VAV1: variants seen among roughly 807,000 people sequenced by gnomAD.
VAV1 encodes proto-oncogene vav.
Under a neutral mutation model 128.1 loss-of-function variants are expected in VAV1, and 33 were observed. That is an observed-to-expected ratio of 0.26 (90% CI 0.20 to 0.34). The LOEUF (loss-of-function observed/expected upper bound fraction) is 0.34, where lower values mean the gene tolerates loss of function less well. Ranked by LOEUF, VAV1 falls within the 10% of genes least tolerant of loss-of-function variation. The pLI, the probability that VAV1 is intolerant of heterozygous loss-of-function variation, is 1.00. For synonymous variants in VAV1, 394 were observed against 409.8 expected, an observed-to-expected ratio of 0.96 and a Z score of 0.47; for missense variants, 715 against 1,093.7, an observed-to-expected ratio of 0.65 and a Z score of 4.88.
intron 1 of VAV1, among the ~76,000 whole-genome samples, chr19:6,799,864 AAAG>A (rs1971225857): frequency 6.6e-6 from 1 of 151,168 alleles, no homozygotes; most frequent in African/African-American, 2.4e-5. Context: ...AAAAAAAAAA[AAAG>A]GAAAGAAAAG....
At chr19:6,809,556 A>G (rs1460431195) in intron 1 of VAV1, among the ~76,000 whole-genome samples, 6 of 152,166 alleles carry the variant, frequency 3.9e-5, no homozygotes, top group African/African-American at 1.4e-4. Context: ...TAAGTGAGAA[A>G]AAAAAGAGTA....
chr19:6,857,046 G>A lies in VAV1; in HGVS notation c.2485-8G>A, dbSNP rs781520756. 3.7e-6 allele frequency: 6 copies of A among 1,614,074 alleles called. No individual in the cohort carries two copies. Among genetic ancestry groups the A allele is most frequent in the Non-Finnish European group, 5.1e-6 (6 of 1,179,950 alleles). ...GGTTGCACTGATGAACTCCTCGTCTGTTTCCAGGTTGGCTGGTTCCCTGCC... is the reference window on the plus strand; with the variant it reads ...GGTTGCACTGATGAACTCCTCGTCTATTTCCAGGTTGGCTGGTTCCCTGCC... On this transcript the variant is annotated splice_region_variant and splice_polypyrimidine_tract_variant and intron_variant, in intron 26 of 26. Coordinates refer to ENST00000602142, the MANE Select transcript of VAV1 (RefSeq NM_005428.4).
chr19:6,805,051 A>G (rs1432986996), intron 1 of VAV1, among the ~76,000 whole-genome samples: 2 of 151,798 alleles, frequency 1.3e-5, no homozygotes, highest in Admixed American at 6.6e-5. Context: ...TTTTAATTAC[A>G]TGTAGAGTAA....
At chr19:6,836,691 G>T (rs573095405) in intron 20 of VAV1, 123 bp downstream of exon 20, 1 of 1,445,258 alleles carries the variant, frequency 6.9e-7, no homozygotes, top group Admixed American at 2.4e-5. Flanking sequence ...GGGGAGTGGG[G>T]TAGGTAGACT....
intron 21 of VAV1, among the ~76,000 whole-genome samples, chr19:6,839,268 G>C (rs1282651277): frequency 6.8e-6 from 1 of 147,800 alleles, no homozygotes; most frequent in Non-Finnish European, 1.5e-5. Context: ...TGTCCAGGCT[G>C]GTCTTGAACT....
At chr19:6,812,135 A>AT (rs1971526633) in intron 1 of VAV1, among the ~76,000 whole-genome samples, 2 of 152,310 alleles carry the variant, frequency 1.3e-5, no homozygotes, top group Admixed American at 6.5e-5. Context: ...CTGGGCAGCC[A>AT]TTTTCCAGCA....
Position 6,772,721 on chromosome 19 carries a change from G to C in VAV1, c.-87G>C. On this transcript the variant is annotated 5_prime_UTR_variant, in exon 1 of 27. Coordinates refer to ENST00000602142, the MANE Select transcript of VAV1 (RefSeq NM_005428.4). This position sits in a 1 kb window ranked among gnomAD's most constrained non-coding sequence, Gnocchi z 4.8. ...AGAGGAAGTGGTAGCACTAGCTGTC[G>C]CTCCACAGGCGAGCAGGGCAGGCGT... The C allele has an allele frequency of 7.1e-7, 1 of 1,417,528 alleles. No individual in the cohort carries two copies. Among genetic ancestry groups the C allele is most frequent in the Non-Finnish European group, 9.6e-7 (1 of 1,044,370 alleles). The allele number at this position is 1,417,528 out of a possible 1,614,324, so 87.8% of individuals were successfully genotyped here. A position where few individuals can be genotyped will look rare whatever the true frequency, so the allele number is the denominator to read the frequency against.
At chr19:6,814,683 T>C (rs181332257) in intron 1 of VAV1, among the ~76,000 whole-genome samples, 4,600 of 94,886 alleles carry the variant, frequency 0.048, 106 homozygotes, top group African/African-American at 0.15. Flanking sequence ...TTTCTTTCTT[T>C]CTTTCTTTCT....
rs1446395508 is a variant in VAV1 at position 6,820,871 on chromosome 19, C to T, written c.321+53C>T. 7.1e-6 allele frequency: 11 copies of T among 1,542,732 alleles called. No individual in the cohort carries two copies. The highest frequency in any genetic ancestry group is 4.5e-5 in the East Asian group (2 of 44,460). On this transcript the variant is annotated intron_variant, in intron 2 of 26. Coordinates refer to ENST00000602142, the MANE Select transcript of VAV1 (RefSeq NM_005428.4). This position sits in a 1 kb window ranked among gnomAD's most constrained non-coding sequence, Gnocchi z 4.4. ...CTGAGTTTCAGTTAATTTCTATTGA[C>T]GTCTACACTGGGCAAGCTAAGGACT...
intron 1 of VAV1, among the ~76,000 whole-genome samples, chr19:6,804,868 C>T (rs146884598): frequency 2.2e-4 from 33 of 151,904 alleles, no homozygotes; most frequent in African/African-American, 7.0e-4. Flanking sequence ...GGACTACAGG[C>T]GCCCGCCACC....
chr19:6,825,938 C>T (rs568236313), intron 8 of VAV1, among the ~76,000 whole-genome samples: 1 of 152,146 alleles, frequency 6.6e-6, no homozygotes, highest in Admixed American at 6.6e-5. Flanking sequence ...CACCTGTAAT[C>T]CCAGTTACTC....
Position 6,826,694 on chromosome 19 carries a change from G to C in VAV1, c.910G>C (p.Val304Leu). 1 of 1,553,978 alleles carries C rather than the reference G, an allele frequency of 6.4e-7. No homozygotes were observed. The highest frequency in any genetic ancestry group is 8.7e-7 in the Non-Finnish European group (1 of 1,152,376). Residue 304 changes from valine to leucine, a missense_variant, in exon 9 of 27, where the codon GTG (valine) becomes CTG (leucine). Val to Leu is a conservative substitution (Grantham distance 32). Transcript: ENST00000602142. The surrounding 1 kb of genome is among the most constrained non-coding windows in gnomAD (Gnocchi z 4.1). The stretch of plus-strand genomic sequence containing the variant: ...CCGTGTGGCCGCAGCCCGGGAGGAC[G>C]TGCAGATGAAGCTGGAGGTGGGCGC... ...LDRVAAARED[V>L]QMKLEECSQR...
intron 1 of VAV1, among the ~76,000 whole-genome samples, chr19:6,785,949 C>A (rs568484706): frequency 1.3e-5 from 2 of 151,986 alleles, no homozygotes; most frequent in African/African-American, 4.8e-5. Context: ...AATGAGCCAC[C>A]GCGCCCAGCC....
chr19:6,844,079 T>C (rs1398807444), intron 22 of VAV1, among the ~76,000 whole-genome samples: 144 of 105,574 alleles, frequency 1.4e-3, no homozygotes, highest in Middle Eastern at 4.0e-3. Context: ...TTTTTTTTTT[T>C]TTTTTTTTTT....
intron 23 of VAV1, 36 bp downstream of exon 23, chr19:6,848,150 G>A (rs368424950): frequency 3.2e-5 from 48 of 1,513,138 alleles, no homozygotes; most frequent in Non-Finnish European, 3.7e-5. Context: ...CCCTTTTGGG[G>A]CCTGGGCCCT....
chr19:6,849,613 A>G (rs1972616838), intron 23 of VAV1, among the ~76,000 whole-genome samples: 1 of 151,900 alleles, frequency 6.6e-6, no homozygotes, highest in Non-Finnish European at 1.5e-5. Flanking sequence ...GTGCCTGGCC[A>G]ATATTATTCC....
In VAV1 at chr19:6,825,362, T is replaced by A. The variant is rs541818210; in HGVS notation, c.783T>A (p.Pro261=). ...AGATGAAGGAAGCCCTGGGCACCCC[T>A]GGCGCAGCCAATCTCTACCAGGTCT... ...LKEMKEALGT[P]GAANLYQVFI... Residue 261 remains proline, a synonymous_variant, in exon 8 of 27, where the codon CCT becomes CCA. Transcript: ENST00000602142. 2.5e-6 allele frequency: 4 copies of A among 1,613,764 alleles called. No homozygotes were observed. The highest frequency in any genetic ancestry group is 3.4e-6 in the Non-Finnish European group (4 of 1,179,914).
chr19:6,843,799 A>C (rs921092411), intron 22 of VAV1, among the ~76,000 whole-genome samples: 1 of 151,858 alleles, frequency 6.6e-6, no homozygotes, highest in East Asian at 1.9e-4. Context: ...CTGTTCTAAG[A>C]TGCATGGTTG....
chr19:6,843,138 C>A lies in VAV1; in HGVS notation c.1984C>A (p.Pro662Thr), dbSNP rs1177495695. 3.1e-6 allele frequency: 5 copies of A among 1,613,968 alleles called. No homozygotes were observed. Among genetic ancestry groups the A allele is most frequent in the Non-Finnish European group, 4.2e-6 (5 of 1,180,008 alleles). Reference protein sequence around the residue: ...CNRVKPYVHGPPQDLSVHLWY... With the variant: ...CNRVKPYVHGTPQDLSVHLWY... Reference sequence around the variant, plus strand: ...GGGTCTCTCTCTGTATTCTTAGGGCCCTCCTCAGGACCTGTCTGTTCATCT... The same window carrying A: ...GGGTCTCTCTCTGTATTCTTAGGGCACTCCTCAGGACCTGTCTGTTCATCT... The change falls in exon 22 of 27, where the codon CCT becomes ACT. Residue 662 changes from proline (P) to threonine (T), a missense_variant. Pro to Thr is a conservative substitution (Grantham distance 38). This residue lies in a region of VAV1 where 407 missense variants were observed against 580.6 expected (regional missense o/e 0.70). Coordinates refer to ENST00000602142, the MANE Select transcript of VAV1 (RefSeq NM_005428.4).
Sources: gnomAD v4.1 joint callset for allele counts (sites outside exome capture counted in the v4.1 genomes callset) on GRCh38, gnomAD v4.1.1 for gene constraint, gnomAD v4.1.1 regional missense constraint, Gnocchi (gnomAD v3.1) non-coding constraint, MANE v1.5 for transcripts, NCBI Gene and HGNC (gene_info 2026-07-23, HGNC 2026-07-21) for gene names.